Variants in SIPA1L1 observed in about 807,000 individuals in gnomAD.
The protein encoded by SIPA1L1 is signal induced proliferation associated 1 like 1, also known as signal-induced proliferation-associated 1-like protein 1.
In SIPA1L1, 26 loss-of-function variants were observed where a neutral mutation model predicts 162.7. That is an observed-to-expected ratio of 0.16 (90% CI 0.12 to 0.22). The LOEUF is 0.22. Among genes scored for constraint, SIPA1L1 ranks in the 10% least tolerant of loss-of-function variants. The pLI, the probability that SIPA1L1 is intolerant of heterozygous loss-of-function variation, is 1.00. For missense variants in SIPA1L1, 1,874 were observed against 2,241.0 expected (o/e 0.84, Z 3.31); for synonymous variants, 829 against 837.4 (o/e 0.99, Z 0.17).
intron 4 of SIPA1L1, chr14:71,574,478 C>T (rs1432767232): frequency 5.3e-5 from 8 of 152,174 alleles, no homozygotes; most frequent in Non-Finnish European, 7.4e-5. Context: ...TTATCTTGCA[C>T]TTAGGAAATT....
At chr14:71,733,620 C>G in intron 20 of SIPA1L1, 46 bp from the exon 21 acceptor site, 1 of 1,595,010 alleles carries the variant, frequency 6.3e-7, no homozygotes. Context: ...TTGAGTGGCT[C>G]TTCCACAGGC....
At chr14:71,466,115 A>G (rs967205353) in intron 2 of SIPA1L1, among the ~76,000 whole-genome samples, 3 of 152,222 alleles carry the variant, frequency 2.0e-5, no homozygotes, top group African/African-American at 7.2e-5. Context: ...AGTATTAACC[A>G]TCACAGGGCT....
At chr14:71,375,447 T>C (rs2039287811) in intron 2 of SIPA1L1, among the ~76,000 whole-genome samples, 1 of 152,204 alleles carries the variant, frequency 6.6e-6, no homozygotes, top group Non-Finnish European at 1.5e-5. Flanking sequence ...CAGCTTTGTA[T>C]CCTGCAATCT....
intron 2 of SIPA1L1, among the ~76,000 whole-genome samples, chr14:71,365,294 A>G (rs147291129): frequency 2.0e-5 from 3 of 152,078 alleles, no homozygotes; most frequent in African/African-American, 7.2e-5. Context: ...AGCTCATCCC[A>G]TTACAGGCAT....
rs1169122423 is a variant in SIPA1L1 at position 71,705,321 on chromosome 14, C to T, written c.3746C>T (p.Ser1249Phe). ...LMRQDPVVHL[S>F]PNKQGHSDSH... ...CGGCAGGATCCAGTGGTTCATTTGTCTCCAAACAAACAAGGGCATGTAAGT... is the reference window on the plus strand; with the variant it reads ...CGGCAGGATCCAGTGGTTCATTTGTTTCCAAACAAACAAGGGCATGTAAGT... The change falls in exon 16 of 24, where the codon TCT (serine) becomes TTT (phenylalanine). Residue 1249 changes from serine to phenylalanine, a missense_variant. This residue lies in a region of SIPA1L1 where 936 missense variants were observed against 1,051.9 expected (regional missense o/e 0.89). Transcript: ENST00000381232. 2 of 1,613,546 alleles carry T rather than the reference C, an allele frequency of 1.2e-6. No homozygotes were observed. Among genetic ancestry groups the T allele is most frequent in the Admixed American group, 1.7e-5 (1 of 60,022 alleles).
rs188656763 is a variant in SIPA1L1, at chr14:71,708,532, C to T, written c.3766-690C>T. ...TAGAAATGGGGTTTTGCTGTGTTAC[C>T]CAGACTGGGCTTGAACTCCTGAGCT... On this transcript the variant is annotated intron_variant, in intron 16 of 23. Coordinates refer to ENST00000381232, the MANE Select transcript of SIPA1L1 (RefSeq NM_001386936.1). 1.5e-3 allele frequency among the ~76,000 whole-genome samples: 232 copies of T among 152,140 alleles called. 2 individuals carry two copies. Among genetic ancestry groups the T allele is most frequent in the African/African-American group, 5.3e-3 (219 of 41,510 alleles).
intron 2 of SIPA1L1, among the ~76,000 whole-genome samples, chr14:71,500,164 C>T (rs1253514308): frequency 2.0e-5 from 3 of 152,034 alleles, no homozygotes; most frequent in Non-Finnish European, 2.9e-5. Context: ...AAGAATTTCT[C>T]TTCAACAAAA....
At chr14:71,558,459 A>G (rs944128703) in intron 4 of SIPA1L1, among the ~76,000 whole-genome samples, 4 of 152,164 alleles carry the variant, frequency 2.6e-5, no homozygotes, top group African/African-American at 9.7e-5. Flanking sequence ...ATCATGTTTC[A>G]AGGTAGATTT....
chr14:71,489,031 C>G (rs1342704132), intron 2 of SIPA1L1, among the ~76,000 whole-genome samples: 1 of 152,158 alleles, frequency 6.6e-6, no homozygotes, highest in Non-Finnish European at 1.5e-5. Flanking sequence ...CTAAGAGAAT[C>G]TTTGTGTGTT....
At chr14:71,697,293 T>A (rs1190283534) in intron 13 of SIPA1L1, among the ~76,000 whole-genome samples, 1 of 152,184 alleles carries the variant, frequency 6.6e-6, no homozygotes, top group Non-Finnish European at 1.5e-5. Context: ...TCTTTGTCTT[T>A]GTGTTATCAG....
At chr14:71,630,969 C>T (rs1486736378) in intron 7 of SIPA1L1, among the ~76,000 whole-genome samples, 1 of 151,878 alleles carries the variant, frequency 6.6e-6, no homozygotes, top group Non-Finnish European at 1.5e-5. Context: ...GTTTGCTGCA[C>T]CTATCAACTT....
chr14:71,694,149 G>T (rs1227282793), intron 13 of SIPA1L1, among the ~76,000 whole-genome samples: 4 of 152,052 alleles, frequency 2.6e-5, no homozygotes, highest in African/African-American at 7.2e-5. Flanking sequence ...ATTAATGTTG[G>T]CACTATATAT....
chr14:71,549,414 T>C (rs1230774464), intron 4 of SIPA1L1, among the ~76,000 whole-genome samples: 1 of 152,192 alleles, frequency 6.6e-6, no homozygotes, highest in African/African-American at 2.4e-5. Context: ...CAAGTAATTC[T>C]GCTGACAGCC....
At chr14:71,612,505 A>G (rs960852434) in intron 5 of SIPA1L1, among the ~76,000 whole-genome samples, 24 of 152,230 alleles carry the variant, frequency 1.6e-4, no homozygotes, top group Non-Finnish European at 2.8e-4. Flanking sequence ...ATAACTTTAC[A>G]GATTACTTGT....
intron 18 of SIPA1L1, 60 bp from the exon 19 acceptor site, chr14:71,724,610 C>G (rs997055382): frequency 7.1e-7 from 1 of 1,418,192 alleles, no homozygotes; most frequent in Non-Finnish European, 9.7e-7. Flanking sequence ...TAGAGCCCAT[C>G]ATGCCCTTGA....
At chr14:71,354,810 G>A (rs956012683) in intron 2 of SIPA1L1, among the ~76,000 whole-genome samples, 5 of 152,146 alleles carry the variant, frequency 3.3e-5, no homozygotes, top group Non-Finnish European at 5.9e-5. Flanking sequence ...TTTAACTTTT[G>A]CATATTCCCT....
chr14:71,597,480 A>G (rs945897372), intron 5 of SIPA1L1, among the ~76,000 whole-genome samples: 11 of 152,032 alleles, frequency 7.2e-5, no homozygotes, highest in Non-Finnish European at 1.3e-4. Flanking sequence ...ACATTTATGA[A>G]TAAATGCTGA....
intron 4 of SIPA1L1, among the ~76,000 whole-genome samples, chr14:71,562,902 G>A (rs146944238): frequency 1.3e-3 from 196 of 152,208 alleles, no homozygotes; most frequent in African/African-American, 2.8e-3. Context: ...TGATCCGCCC[G>A]CCTCGGCTTC....
In SIPA1L1 at chr14:71,557,969, C is replaced by A. The variant is rs2056482454; in HGVS notation, c.-303+28599C>A. On this transcript the variant is annotated intron_variant, in intron 4 of 23. Coordinates refer to ENST00000381232, the MANE Select transcript of SIPA1L1 (RefSeq NM_001386936.1). ...AATTATTAAGTGTTGGTTTGTGATA[C>A]TTAAATCAGTTGTCTCATGATTTTT... Among the ~76,000 whole-genome samples the A allele has an allele frequency of 3.3e-5, 5 of 152,144 alleles. No individual in the cohort carries two copies. The South Asian group carries it at 1.0e-3, about 31-fold the overall frequency.
Sources: allele counts gnomAD v4.1 joint callset (sites outside exome capture counted in the v4.1 genomes callset), GRCh38; gene constraint gnomAD v4.1.1; regional missense constraint gnomAD v4.1.1; transcripts MANE v1.5; gene names NCBI Gene and HGNC (gene_info 2026-07-23, HGNC 2026-07-21).